ZNF280D: variants seen among roughly 807,000 people sequenced by gnomAD.
ZNF280D encodes zinc finger protein 280D.
A neutral mutation model predicts 94.7 loss-of-function variants in ZNF280D; 39 were observed. The ratio of observed to expected loss-of-function variants is 0.41; its 90% CI spans 0.32 to 0.54. ZNF280D has a LOEUF of 0.54. Ranked by LOEUF, ZNF280D falls within the 20% of genes least tolerant of loss-of-function variation. ZNF280D has a pLI of 0.22. For synonymous variants in ZNF280D, 398 were observed against 377.6 expected (o/e 1.05, Z -0.63); for missense variants, 1,090 against 1,149.3 (o/e 0.95, Z 0.75).
At chr15:56,703,986 T>C in intron 4 of ZNF280D, 135 bp downstream of exon 4, 1 of 906,674 alleles carries the variant, frequency 1.1e-6, no homozygotes, top group South Asian at 1.8e-5. Context: ...ATCTCTTACC[T>C]CCTTCCTCAA....
chr15:56,715,235 A>G (rs1314473968), intron 1 of ZNF280D, among the ~76,000 whole-genome samples: 1 of 152,188 alleles, frequency 6.6e-6, no homozygotes, highest in Non-Finnish European at 1.5e-5. Context: ...CATGGAAGAA[A>G]CATATGCATT....
chr15:56,669,006 CA>C (rs2054494090), intron 13 of ZNF280D, 49 bp from the exon 14 acceptor site: 1 of 1,558,228 alleles, frequency 6.4e-7, no homozygotes, highest in Admixed American at 1.8e-5. Context: ...TCAAAAACTA[CA>C]AATCCTGTGT....
chr15:56,709,572 C>G (rs528830412), intron 1 of ZNF280D, among the ~76,000 whole-genome samples: 1 of 152,158 alleles, frequency 6.6e-6, no homozygotes, highest in African/African-American at 2.4e-5. Context: ...ATGTTTATTG[C>G]GGCACTATTC....
At chr15:56,665,846 T>C (rs1808878015) in intron 16 of ZNF280D, among the ~76,000 whole-genome samples, 2 of 152,026 alleles carry the variant, frequency 1.3e-5, no homozygotes, top group African/African-American at 4.8e-5. Flanking sequence ...ATGGAAAAAC[T>C]ATTTCCCAGC....
chr15:56,687,893 TCTAC>T (rs2056138806), intron 9 of ZNF280D, among the ~76,000 whole-genome samples: 1 of 152,218 alleles, frequency 6.6e-6, no homozygotes, highest in Non-Finnish European at 1.5e-5. Context: ...CCTTATTTTT[TCTAC>T]CTTTTTTGTA....
rs1385832216 is a variant in ZNF280D at position 56,669,927 on chromosome 15, A to T, written c.1411-970T>A. Among the ~76,000 whole-genome samples, 12 of 8,458 alleles carry T rather than the reference A, an allele frequency of 1.4e-3. 2 individuals are homozygous for T. The highest frequency in any genetic ancestry group is 4.7e-3 in the African/African-American group (11 of 2,354). The allele number at this position is 8,458 out of a possible 152,430, so 5.5% of individuals were successfully genotyped here. A position where few individuals can be genotyped will look rare whatever the true frequency, so the allele number is the denominator to read the frequency against. The stretch of plus-strand genomic sequence containing the variant: ...AATATATATATATTATATATATATT[A>T]TATATATATTATATATATATATTAT... On this transcript the variant is annotated intron_variant, in intron 13 of 21. Transcript: ENST00000267807.
At chr15:56,633,652 G>A (rs1017679523) in intron 21 of ZNF280D, among the ~76,000 whole-genome samples, 5 of 151,670 alleles carry the variant, frequency 3.3e-5, no homozygotes, top group Admixed American at 1.3e-4. Context: ...CACCAAGCCC[G>A]GCTAATTTTT....
intron 19 of ZNF280D, among the ~76,000 whole-genome samples, chr15:56,648,375 C>A (rs1484693846): frequency 6.6e-6 from 1 of 151,714 alleles, no homozygotes; most frequent in African/African-American, 2.4e-5. Context: ...GATTACTGTC[C>A]CAATCGTATG....
rs777593987 is a variant in ZNF280D, at chr15:56,678,839, C to G, written c.1005-18G>C. ...TCATAAACCTATAAATGGTTGTCAA[C>G]AGGTGCAAAACTTGAGATTTAAAAA... On this transcript the variant is annotated intron_variant, in intron 10 of 21. Transcript: ENST00000267807. 1 of 1,507,044 alleles carries G rather than the reference C, an allele frequency of 6.6e-7. No individual in the cohort carries two copies. Among genetic ancestry groups the G allele is most frequent in the Non-Finnish European group, 8.9e-7 (1 of 1,124,772 alleles). The allele number at this position is 1,507,044 out of a possible 1,614,324, so 93.4% of individuals were successfully genotyped here. A position where few individuals can be genotyped will look rare whatever the true frequency, so the allele number is the denominator to read the frequency against.
At chr15:56,697,330 G>A (rs756916330) in intron 6 of ZNF280D, among the ~76,000 whole-genome samples, 14 of 151,916 alleles carry the variant, frequency 9.2e-5, no homozygotes, top group South Asian at 8.3e-4. Context: ...GATTACAGGC[G>A]CCCACCACCA....
At chr15:56,719,450 T>C (rs1332156567) in intron 1 of ZNF280D, among the ~76,000 whole-genome samples, 2 of 152,112 alleles carry the variant, frequency 1.3e-5, no homozygotes, top group Admixed American at 1.3e-4. Context: ...TTTTCTGCCA[T>C]GAGTGGATGC....
intron 6 of ZNF280D, chr15:56,700,405 A>C: frequency 1.6e-6 from 1 of 612,280 alleles, no homozygotes; most frequent in Non-Finnish European, 2.0e-6. Flanking sequence ...TATAGCATTT[A>C]GCACAAACAC....
At chr15:56,730,137 G>A (rs568826988) in intron 1 of ZNF280D, 37 of 152,054 alleles carry the variant, frequency 2.4e-4, no homozygotes, top group African/African-American at 8.4e-4. Context: ...GTATACTGAG[G>A]GTTAAGAGAA....
chr15:56,685,189 A>T (rs1212466063), intron 9 of ZNF280D, among the ~76,000 whole-genome samples: 1 of 152,194 alleles, frequency 6.6e-6, no homozygotes, highest in African/African-American at 2.4e-5. Flanking sequence ...GACCTCACAG[A>T]AAGATGTTTT....
At chr15:56,699,445 T>G in intron 6 of ZNF280D, 1 of 824,900 alleles carries the variant, frequency 1.2e-6, no homozygotes, top group Non-Finnish European at 1.5e-6. Context: ...ATGTTCATTT[T>G]TTGGTTTTAG....
intron 12 of ZNF280D, 51 bp from the exon 13 acceptor site, chr15:56,676,867 G>A (rs760393888): frequency 3.7e-6 from 5 of 1,350,660 alleles, no homozygotes; most frequent in African/African-American, 1.5e-5. Flanking sequence ...AAACTGATAT[G>A]CAATTACAAA....
At chr15:56,685,735 T>G (rs1318778710) in intron 9 of ZNF280D, among the ~76,000 whole-genome samples, 1 of 151,932 alleles carries the variant, frequency 6.6e-6, no homozygotes, top group Admixed American at 6.6e-5. Flanking sequence ...AGAAACATAA[T>G]CAGGAGAACA....
intron 1 of ZNF280D, chr15:56,730,734 T>C (rs1294486502): frequency 1.3e-5 from 2 of 152,254 alleles, no homozygotes; most frequent in East Asian, 3.8e-4. Context: ...CTAAAGTAGA[T>C]GGGTTAGTAT....
Position 56,704,266 on chromosome 15 carries a change from A to G in ZNF280D, c.30T>C (p.Ser10=), listed in dbSNP as rs779205780. Residue 10 remains serine, a splice_region_variant and synonymous_variant, in exon 4 of 22, where the codon AGT becomes AGC. Coordinates refer to ENST00000267807, the MANE Select transcript of ZNF280D (RefSeq NM_017661.4). ...TAAACAGTTCTGCCATTTTTGAATT[A>G]CCTAATTTTCAAAAGGAGAGAAGTA... is the stretch of plus-strand genomic sequence containing the variant. MGDNPFQPK[S]NSKMAELFME... 6.2e-7 allele frequency: 1 copy of G among 1,602,702 alleles called. No individual in the cohort carries two copies. Among genetic ancestry groups the G allele is most frequent in the Non-Finnish European group, 8.5e-7 (1 of 1,176,970 alleles).
Sources: allele counts gnomAD v4.1 joint callset (sites outside exome capture counted in the v4.1 genomes callset), GRCh38; gene constraint gnomAD v4.1.1; transcripts MANE v1.5; gene names NCBI Gene and HGNC (gene_info 2026-07-23, HGNC 2026-07-21).